The following FANCA variants were observed in gnomAD, a reference collection of about 807,000 sequenced individuals.
The protein encoded by FANCA is Fanconi anemia group A protein.
In FANCA, 236 loss-of-function variants were observed where a neutral mutation model predicts 194.3. The observed-to-expected ratio is 1.21, with a 90% CI of 1.09 to 1.35. The LOEUF is 1.35. Ranked by LOEUF, FANCA falls within the 40% of genes most tolerant of loss-of-function variation. The pLI is 0.00. For missense variants in FANCA, 2,628 were observed against 1,813.9 expected (o/e 1.45, Z -8.15); for synonymous variants, 1,014 against 715.8 (o/e 1.42, Z -6.65).
intron 18 of FANCA, 31 bp from the exon 19 acceptor site, chr16:89,779,034 G>C (rs370132366): frequency 2.9e-5 from 46 of 1,608,938 alleles, no homozygotes; most frequent in Non-Finnish European, 3.9e-5. Context: ...CAGTGCATCA[G>C]TCAGAGCAGC....
chr16:89,765,047 C>G lies in FANCA; in HGVS notation c.2621G>C (p.Arg874Thr), dbSNP rs780114543. 1.2e-6 allele frequency: 2 copies of G among 1,614,108 alleles called. No individual in the cohort carries two copies. ...AGGCTGTCGGGCCTCTGAGAACAAT[C>G]TGAACATGAGGAACTGAAACTGAAA... The part of the protein sequence containing the change: ...LIKKFQFLMF[R>T]LFSEARQPLS... The change falls in exon 28 of 43, where the codon AGA (arginine) becomes ACA (threonine). Residue 874 changes from arginine to threonine, a missense_variant. Arg to Thr is a moderately conservative substitution (Grantham distance 71, BLOSUM62 -1). Coordinates refer to ENST00000389301, the MANE Select transcript of FANCA (RefSeq NM_000135.4).
At chr16:89,782,410 C>T (rs1454367002) in intron 17 of FANCA, among the ~76,000 whole-genome samples, 1 of 151,532 alleles carries the variant, frequency 6.6e-6, no homozygotes, top group South Asian at 2.1e-4. Context: ...ACTCTGGAGG[C>T]TGAGGCAGGA....
intron 4 of FANCA, 51 bp from the exon 5 acceptor site, chr16:89,810,853 T>C (rs1567653708): frequency 6.2e-7 from 1 of 1,612,694 alleles, no homozygotes; most frequent in Non-Finnish European, 8.5e-7. Context: ...GAAACAATAC[T>C]AAAGCTATGT....
Position 89,751,914 on chromosome 16 carries a change from G to A in FANCA, c.3066+224C>T, listed in dbSNP as rs17227036. ...GCCTCCCGAGTAGGTGGGGCTACAGGTGCCCGCCACCACGCCCGGCTAAAT... is the reference window on the plus strand; with the variant it reads ...GCCTCCCGAGTAGGTGGGGCTACAGATGCCCGCCACCACGCCCGGCTAAAT... On this transcript the variant is annotated intron_variant, in intron 31 of 42. Transcript: ENST00000389301. Among the ~76,000 whole-genome samples the A allele has an allele frequency of 3.9e-3, 590 of 152,104 alleles. 2 individuals carry two copies. Among genetic ancestry groups the A allele is most frequent in the Admixed American group, 6.0e-3 (91 of 15,258 alleles).
At chr16:89,782,262 AGCACTTTGAGAG>A (rs1428641776) in intron 17 of FANCA, among the ~76,000 whole-genome samples, 4 of 151,784 alleles carry the variant, frequency 2.6e-5, no homozygotes, top group African/African-American at 9.7e-5. Flanking sequence ...CTGTAATCCC[AGCACTTTGAGAG>A]GCCAAGGCGG....
intron 37 of FANCA, among the ~76,000 whole-genome samples, chr16:89,741,969 C>CA (rs1316117410): frequency 1.3e-5 from 2 of 149,486 alleles, no homozygotes; most frequent in African/African-American, 5.1e-5. Flanking sequence ...TTACTTTAAA[C>CA]AAATTTTTTT....
chr16:89,779,404 G>C (rs1310701541), intron 18 of FANCA, among the ~76,000 whole-genome samples: 1 of 152,016 alleles, frequency 6.6e-6, no homozygotes, highest in Non-Finnish European at 1.5e-5. Context: ...CAATAAAGCT[G>C]TGCTATTCAG....
intron 15 of FANCA, among the ~76,000 whole-genome samples, chr16:89,783,327 G>C (rs12928089): frequency 3.3e-5 from 5 of 151,250 alleles, no homozygotes; most frequent in African/African-American, 4.9e-5. Flanking sequence ...GAGGCGGGCA[G>C]ATCACGAGGT....
At chr16:89,810,310 G>A (rs1242744414) in intron 5 of FANCA, among the ~76,000 whole-genome samples, 3 of 145,380 alleles carry the variant, frequency 2.1e-5, no homozygotes, top group Non-Finnish European at 1.5e-5. Context: ...GCGACAGAGC[G>A]AGACTTCGTC....
chr16:89,790,389 A>G (rs11076625), intron 14 of FANCA, among the ~76,000 whole-genome samples: 71,340 of 150,892 alleles, frequency 0.47, 19,619 homozygotes, highest in East Asian at 0.76. Flanking sequence ...ATGAGACTCC[A>G]CCTCAAAAAA....
intron 6 of FANCA, among the ~76,000 whole-genome samples, chr16:89,806,890 C>T (rs2040672328): frequency 8.5e-5 from 13 of 152,224 alleles, no homozygotes; most frequent in Admixed American, 5.2e-4. Context: ...GGGTGGTGGC[C>T]GGGTAGAGGG....
intron 28 of FANCA, among the ~76,000 whole-genome samples, chr16:89,763,702 G>T (rs766496660): frequency 6.6e-6 from 1 of 152,096 alleles, no homozygotes; most frequent in African/African-American, 2.4e-5. Context: ...ACTTTGGGAG[G>T]CCAAGGCGGG....
intron 18 of FANCA, 46 bp from the exon 19 acceptor site, chr16:89,779,049 A>C (rs1450793609): frequency 6.3e-7 from 1 of 1,584,260 alleles, no homozygotes; most frequent in Non-Finnish European, 8.7e-7. Context: ...AGCAGCGAGA[A>C]GGCAATTCCC....
intron 5 of FANCA, among the ~76,000 whole-genome samples, chr16:89,809,898 C>T (rs1219216392): frequency 3.3e-5 from 5 of 151,284 alleles, no homozygotes; most frequent in South Asian, 2.1e-4. Flanking sequence ...TGGTGGCACG[C>T]GCCTGTAATC....
intron 31 of FANCA, 77 bp from the exon 32 acceptor site, chr16:89,749,979 G>C: frequency 6.6e-7 from 1 of 1,515,004 alleles, no homozygotes; most frequent in Non-Finnish European, 9.1e-7. Flanking sequence ...AGACGTCAGG[G>C]GTCAGGGAGA....
Position 89,738,487 on chromosome 16 carries a change from C to A in FANCA, c.*114G>T. 6.6e-7 allele frequency: 1 copy of A among 1,524,638 alleles called. No homozygotes were observed. The highest frequency in any genetic ancestry group is 9.0e-7 in the Non-Finnish European group (1 of 1,110,008). The allele number at this position is 1,524,638 out of a possible 1,614,324, so 94.4% of individuals were successfully genotyped here. Reference sequence around the variant, plus strand: ...CATAAATAATTGATTCCTTTCCCCACTAAAGCAGTCGAGGAGATTTGTAAT... The same window carrying A: ...CATAAATAATTGATTCCTTTCCCCAATAAAGCAGTCGAGGAGATTTGTAAT... On this transcript the variant is annotated 3_prime_UTR_variant, in exon 43 of 43. Coordinates refer to ENST00000389301, the MANE Select transcript of FANCA (RefSeq NM_000135.4).
At chr16:89,743,069 G>C (rs2062174641) in intron 36 of FANCA, 131 bp from the exon 37 acceptor site, 2 of 1,093,966 alleles carry the variant, frequency 1.8e-6, no homozygotes, top group Non-Finnish European at 2.6e-6. Context: ...AGGGTTTCAG[G>C]ACCATCAGAA....
intron 2 of FANCA, 81 bp downstream of exon 2, chr16:89,815,796 T>C (rs2041089963): frequency 1.7e-6 from 2 of 1,167,762 alleles, no homozygotes; most frequent in African/African-American, 1.5e-5. Flanking sequence ...TCGGGTGTTT[T>C]CTTAGGAAAG....
chr16:89,802,165 G>T (rs576434912), intron 8 of FANCA, among the ~76,000 whole-genome samples: 2 of 152,162 alleles, frequency 1.3e-5, no homozygotes, highest in Admixed American at 1.3e-4. Context: ...AGTGCAAGGC[G>T]CAATCTTGGC....
Sources: gnomAD v4.1 joint callset for allele counts (sites outside exome capture counted in the v4.1 genomes callset) on GRCh38, gnomAD v4.1.1 for gene constraint, MANE v1.5 for transcripts, NCBI Gene and HGNC (gene_info 2026-07-23, HGNC 2026-07-21) for gene names.